The following ARHGEF7 variants were observed in gnomAD, a reference collection of about 807,000 sequenced individuals.
The protein encoded by ARHGEF7 is PAK-interacting exchange factor beta.
A neutral mutation model predicts 109.8 loss-of-function variants in ARHGEF7; 33 were observed. The observed-to-expected ratio is 0.30, with a 90% CI of 0.23 to 0.40. The LOEUF (loss-of-function observed/expected upper bound fraction) is 0.40. Among genes scored for constraint, ARHGEF7 ranks in the 10% least tolerant of loss-of-function variants. The pLI is 1.00. For missense variants in ARHGEF7, 938 were observed against 1,098.5 expected (o/e 0.85, Z 2.07); for synonymous variants, 458 against 424.6 (o/e 1.08, Z -0.97).
At chr13:111,175,319 G>A (rs535771719) in intron 2 of ARHGEF7, among the ~76,000 whole-genome samples, 4 of 152,332 alleles carry the variant, frequency 2.6e-5, no homozygotes, top group South Asian at 2.1e-4. Flanking sequence ...AATTCCTGGC[G>A]CTGATGGAAG....
intron 6 of ARHGEF7, among the ~76,000 whole-genome samples, chr13:111,233,803 G>T (rs1158821793): frequency 6.6e-6 from 1 of 152,110 alleles, no homozygotes; most frequent in Non-Finnish European, 1.5e-5. Flanking sequence ...GGTGTTTCTG[G>T]ATCCTAAAAT....
intron 14 of ARHGEF7, 66 bp from the exon 15 acceptor site, chr13:111,280,472 G>C: frequency 6.3e-7 from 1 of 1,578,802 alleles, no homozygotes; most frequent in Admixed American, 1.8e-5. Flanking sequence ...GAATTCTGGG[G>C]GGTGTGCACG....
intron 19 of ARHGEF7, chr13:111,292,583 G>T: frequency 7.7e-7 from 1 of 1,303,734 alleles, no homozygotes; most frequent in Non-Finnish European, 9.7e-7. Context: ...AGGGGTAGTT[G>T]TTGTTTTATA....
intron 1 of ARHGEF7, among the ~76,000 whole-genome samples, chr13:111,138,485 A>C (rs2075193715): frequency 6.6e-6 from 1 of 152,062 alleles, no homozygotes; most frequent in South Asian, 2.1e-4. Context: ...CATCTCAAAA[A>C]CAAAAACCAA....
At chr13:111,216,788 G>C (rs1339622751) in intron 4 of ARHGEF7, among the ~76,000 whole-genome samples, 1 of 152,224 alleles carries the variant, frequency 6.6e-6, no homozygotes, top group Non-Finnish European at 1.5e-5. Context: ...GGCACGAGCA[G>C]GCTTCTCCTA....
chr13:111,243,837 A>T, intron 6 of ARHGEF7, 35 bp from the exon 7 acceptor site: 1 of 1,396,302 alleles, frequency 7.2e-7, no homozygotes, highest in South Asian at 1.2e-5. Flanking sequence ...TAGCAATTGA[A>T]ATGTCAAATA....
chr13:111,149,211 T>A (rs1282967938), intron 1 of ARHGEF7, among the ~76,000 whole-genome samples: 1 of 151,368 alleles, frequency 6.6e-6, no homozygotes, highest in African/African-American at 2.4e-5. Flanking sequence ...GGAGTTCAAG[T>A]CCAGCCTGGG....
rs908213052 is a variant in ARHGEF7, at chr13:111,266,536, T to G, written c.951-1012T>G. Among the ~76,000 whole-genome samples, 2 of 152,196 alleles carry G rather than the reference T, an allele frequency of 1.3e-5. No individual in the cohort carries two copies. The highest frequency in any genetic ancestry group is 4.8e-5 in the African/African-American group (2 of 41,438). On this transcript the variant is annotated intron_variant, in intron 8 of 21. Transcript: ENST00000646102. The surrounding 1 kb of genome is among the most constrained non-coding windows in gnomAD (Gnocchi z 4.8). The stretch of plus-strand genomic sequence containing the variant: ...ATCATATTTCCTTTTTCTCCTTTGC[T>G]CCTTCATTCCCCTTTTTTTAGGCAA...
At chr13:111,232,289 C>G (rs901012781) in intron 5 of ARHGEF7, among the ~76,000 whole-genome samples, 1 of 152,126 alleles carries the variant, frequency 6.6e-6, no homozygotes, top group Non-Finnish European at 1.5e-5. Context: ...GTCTGCAGAA[C>G]TAATGGTAAA....
In ARHGEF7 at chr13:111,115,564, C is replaced by A; in HGVS notation, c.38C>A (p.Thr13Asn). ...GAGCAAACCGTTACGTGGCTCATCA[C>A]TCTGGGGGTGCTGGAGTCGCCCAAA... ...SAEQTVTWLI[T>N]LGVLESPKKT... is the part of the protein sequence containing the mutation. Residue 13 changes from threonine to asparagine, a missense_variant, in exon 1 of 22, where the codon ACT becomes AAT. By Grantham distance (65) the Thr-to-Asn change is moderately conservative (BLOSUM62 0). Coordinates refer to ENST00000646102, the MANE Select transcript of ARHGEF7 (RefSeq NM_001354046.2). The A allele has an allele frequency of 7.0e-7, 1 of 1,422,254 alleles. No homozygotes were observed. Among genetic ancestry groups the A allele is most frequent in the Non-Finnish European group, 9.3e-7 (1 of 1,070,886 alleles). 88.1% of individuals were successfully genotyped at this position (1,422,254 alleles called of 1,614,324 possible).
chr13:111,270,520 T>TGTC (rs2153590190), intron 9 of ARHGEF7, among the ~76,000 whole-genome samples: 1 of 152,164 alleles, frequency 6.6e-6, no homozygotes, highest in Admixed American at 6.6e-5. Context: ...ATTGTAAGAG[T>TGTC]GTCTTGTGGA....
Position 111,280,144 on chromosome 13 carries a change from CT to C in ARHGEF7, c.1507-121del, listed in dbSNP as rs1026240130. On this transcript the variant is annotated intron_variant, in intron 13 of 21. Transcript: ENST00000646102. ...TATACACACATCTGCTACAAATGAG[CT>C]TTTTTTGGTTCACAAACACAGTTCC... 43 of 937,770 alleles carry C rather than the reference CT, an allele frequency of 4.6e-5. No individual in the cohort carries two copies. In the African/African-American group the frequency reaches 4.7e-4, roughly 10 times the overall value. The allele number at this position is 937,770 out of a possible 1,614,324, so 58.1% of individuals were successfully genotyped here. A position where few individuals can be genotyped will look rare whatever the true frequency, so the allele number is the denominator to read the frequency against.
intron 2 of ARHGEF7, among the ~76,000 whole-genome samples, chr13:111,189,282 C>G (rs566965005): frequency 6.6e-6 from 1 of 152,184 alleles, no homozygotes; most frequent in Non-Finnish European, 1.5e-5. Context: ...CGCAGACCCT[C>G]GCGGCGAGTG....
At position 111,145,644 on chromosome 13, in the gene ARHGEF7, G is replaced by T. The variant is rs1187362941; in HGVS notation, c.166-8261G>T. On this transcript the variant is annotated intron_variant, in intron 1 of 21. Coordinates refer to ENST00000646102, the MANE Select transcript of ARHGEF7 (RefSeq NM_001354046.2). The surrounding 1 kb of genome is among the most constrained non-coding windows in gnomAD (Gnocchi z 4.3). ...TTTAAAGGCACCAGTGTGACGGGGT[G>T]ACACCCATACAGCCCACTGTGAGCC... 2.6e-5 allele frequency among the ~76,000 whole-genome samples: 4 copies of T among 152,298 alleles called. No homozygotes were observed. The highest frequency in any genetic ancestry group is 7.2e-5 in the African/African-American group (3 of 41,554).
chr13:111,259,983 G>A (rs2090908583), intron 8 of ARHGEF7, among the ~76,000 whole-genome samples: 1 of 152,140 alleles, frequency 6.6e-6, no homozygotes, highest in Non-Finnish European at 1.5e-5. Context: ...ACTGAAAAAT[G>A]CATCAAAGTC....
chr13:111,276,644 T>A (rs974852854), intron 12 of ARHGEF7, among the ~76,000 whole-genome samples: 1 of 152,246 alleles, frequency 6.6e-6, no homozygotes, highest in Admixed American at 6.5e-5. Flanking sequence ...AGATTCTTTA[T>A]GATAGAGCTC....
At chr13:111,137,632 G>A (rs969241582) in intron 1 of ARHGEF7, among the ~76,000 whole-genome samples, 2 of 152,068 alleles carry the variant, frequency 1.3e-5, no homozygotes, top group South Asian at 2.1e-4. Flanking sequence ...AAGGGGACTC[G>A]GAAATTTATC....
At chr13:111,298,104 T>A (rs1205880182) in intron 19 of ARHGEF7, among the ~76,000 whole-genome samples, 4 of 152,256 alleles carry the variant, frequency 2.6e-5, no homozygotes, top group African/African-American at 9.6e-5. Flanking sequence ...TGCGATGTTA[T>A]CAGTGGACTT....
At chr13:111,249,825 G>GCATA (rs1440544235) in intron 8 of ARHGEF7, among the ~76,000 whole-genome samples, 2 of 152,150 alleles carry the variant, frequency 1.3e-5, no homozygotes, top group Non-Finnish European at 2.9e-5. Flanking sequence ...CCTGGCGTAT[G>GCATA]GATGAGGCCA....
Sources: allele counts gnomAD v4.1 joint callset (sites outside exome capture counted in the v4.1 genomes callset), GRCh38; gene constraint gnomAD v4.1.1; non-coding constraint Gnocchi (gnomAD v3.1); transcripts MANE v1.5; gene names NCBI Gene and HGNC (gene_info 2026-07-23, HGNC 2026-07-21).